The following REPS1 variants were observed in gnomAD, a reference collection of about 807,000 sequenced individuals.
The protein encoded by REPS1 is RALBP1 associated Eps domain containing 1.
REPS1 carries 39 observed loss-of-function variants against 100.9 expected under a neutral mutation model. That is an observed-to-expected ratio of 0.39 (90% CI 0.30 to 0.50). The LOEUF is 0.50. Among genes scored for constraint, REPS1 ranks in the 20% least tolerant of loss-of-function variants. REPS1 has a pLI of 0.86. For missense variants in REPS1, 821 were observed against 968.5 expected, an observed-to-expected ratio of 0.85 and a Z score of 2.02; for synonymous variants, 324 against 340.3, an observed-to-expected ratio of 0.95 and a Z score of 0.53.
chr6:138,932,946 A>G (rs902291025), intron 8 of REPS1, among the ~76,000 whole-genome samples: 1 of 152,224 alleles, frequency 6.6e-6, no homozygotes, highest in Non-Finnish European at 1.5e-5. Flanking sequence ...TAAAGGCTTG[A>G]TATGTTGTGA....
intron 1 of REPS1, among the ~76,000 whole-genome samples, chr6:138,980,198 T>A (rs1784856006): frequency 6.6e-6 from 1 of 152,184 alleles, no homozygotes; most frequent in African/African-American, 2.4e-5. Flanking sequence ...CTGCTCTCTA[T>A]CCTACTGCCA....
intron 19 of REPS1, 182 bp downstream of exon 19, chr6:138,907,313 A>AGTGTGTATGTGT: frequency 7.5e-6 from 1 of 132,592 alleles, no homozygotes; most frequent in Non-Finnish European, 1.5e-5. Context: ...AAAAAAAAAA[A>AGTGTGTATGTGT]GTGTGTGTGT....
In REPS1 at chr6:138,943,140, G is replaced by A. The variant is rs6914773; in HGVS notation, c.980+373C>T. 2.9e-3 allele frequency among the ~76,000 whole-genome samples: 447 copies of A among 152,260 alleles called. 1 individual carries two copies. Among genetic ancestry groups the A allele is most frequent in the African/African-American group, 0.01 (424 of 41,536 alleles). On this transcript the variant is annotated intron_variant, in intron 7 of 19. Coordinates refer to ENST00000450536, the MANE Select transcript of REPS1 (RefSeq NM_001286611.2). ...CCAACACAGCTATTCTTAAGTCTCT[G>A]GTTAAATGGAAGCTAACACCATTCC...
intron 1 of REPS1, among the ~76,000 whole-genome samples, chr6:138,966,238 T>C (rs1043923344): frequency 7.9e-5 from 12 of 152,288 alleles, no homozygotes; most frequent in African/African-American, 1.9e-4. Context: ...CGTGGTTAAA[T>C]AGAGTTAAGC....
Position 138,911,354 on chromosome 6 carries a change from A to T in REPS1, c.1989T>A (p.Asp663Glu), listed in dbSNP as rs201226530. The change falls in exon 17 of 20, where the codon GAT (aspartate) becomes GAA (glutamate). Residue 663 changes from aspartate (D) to glutamate (E), a missense_variant. Physicochemically the swap from Asp to Glu is conservative, Grantham distance 45. Coordinates refer to ENST00000450536, the MANE Select transcript of REPS1 (RefSeq NM_001286611.2). ...PEVLPAEKAS[D>E]PASSLRVAKT... ...TGGCAACTCGAAGAGAACTTGCAGGATCAGAAGCTTTTTCAGCCTAAAAAT... is the reference window on the plus strand; with the variant it reads ...TGGCAACTCGAAGAGAACTTGCAGGTTCAGAAGCTTTTTCAGCCTAAAAAT... The T allele has an allele frequency of 6.2e-6, 10 of 1,612,866 alleles. No individual in the cohort carries two copies. Among genetic ancestry groups the T allele is most frequent in the Non-Finnish European group, 7.6e-6 (9 of 1,179,128 alleles).
At chr6:138,912,720 G>C in intron 16 of REPS1, 45 bp downstream of exon 16, 1 of 1,568,352 alleles carries the variant, frequency 6.4e-7, no homozygotes, top group East Asian at 2.2e-5. Flanking sequence ...CATGGTATGG[G>C]AAGTGACTGC....
At chr6:138,950,938 C>T (rs9389634) in intron 1 of REPS1, 25,808 of 152,170 alleles carry the variant, frequency 0.17, 2,342 homozygotes, top group East Asian at 0.31. Context: ...CGCCTGTAAT[C>T]GCAGCACTTT....
At chr6:138,907,986 T>G (rs967111406) in intron 18 of REPS1, among the ~76,000 whole-genome samples, 1 of 152,172 alleles carries the variant, frequency 6.6e-6, no homozygotes, top group Non-Finnish European at 1.5e-5. Flanking sequence ...TTCTTCTCTC[T>G]TCTACAAAAA....
chr6:138,904,001 A>T lies in REPS1; in HGVS notation c.*1063T>A, dbSNP rs1018946720. The T allele has an allele frequency of 3.9e-5, 6 of 152,238 alleles. No homozygotes were observed. Among genetic ancestry groups the T allele is most frequent in the Non-Finnish European group, 7.3e-5 (5 of 68,036 alleles). The allele number at this position is 152,238 out of a possible 1,614,324, so 9.4% of individuals were successfully genotyped here. A position where few individuals can be genotyped will look rare whatever the true frequency, so the allele number is the denominator to read the frequency against. On this transcript the variant is annotated 3_prime_UTR_variant, in exon 20 of 20. Transcript: ENST00000450536. The stretch of plus-strand genomic sequence containing the variant: ...TCTTAAAACTTTAAATCTTGTTAAA[A>T]AGATGAACAAAAGTTAAAATATTAT...
At position 138,908,770 on chromosome 6, in the gene REPS1, C is replaced by T; in HGVS notation, c.2114G>A (p.Arg705Lys). The T allele has an allele frequency of 6.2e-7, 1 of 1,614,138 alleles. No individual in the cohort carries two copies. The highest frequency in any genetic ancestry group is 1.3e-5 in the African/African-American group (1 of 75,020). ...PLAPPPKPVR[R>K]RLKSEDELRP... The stretch of plus-strand genomic sequence containing the variant: ...TAATTCATCTTCTGATTTTAATCTT[C>T]TTCGAACAGGTTTAGGTGGTGGAGC... The change falls in exon 18 of 20, where the codon AGA becomes AAA. Residue 705 changes from arginine (R) to lysine (K), a missense_variant. Arg to Lys is a conservative substitution (Grantham distance 26). Transcript: ENST00000450536.
intron 10 of REPS1, among the ~76,000 whole-genome samples, chr6:138,925,884 T>G (rs1212769164): frequency 6.6e-6 from 1 of 152,318 alleles, no homozygotes; most frequent in East Asian, 1.9e-4. Flanking sequence ...CAGAGGCTCC[T>G]TTGCATAAGC....
At chr6:138,974,967 C>G (rs1172213430) in intron 1 of REPS1, among the ~76,000 whole-genome samples, 2 of 151,906 alleles carry the variant, frequency 1.3e-5, no homozygotes, top group East Asian at 3.9e-4. Flanking sequence ...CACACTCCAG[C>G]CTGGGTGACA....
At position 138,908,983 on chromosome 6, in the gene REPS1, T is replaced by C. The variant is rs1779840623; in HGVS notation, c.2068-167A>G. ...TGGCAAGAGCTAACTTAAATTACAGTGAGAAAAGATGTTTCTAGTTGACAC... is the reference window on the plus strand; with the variant it reads ...TGGCAAGAGCTAACTTAAATTACAGCGAGAAAAGATGTTTCTAGTTGACAC... On this transcript the variant is annotated intron_variant, in intron 17 of 19. Coordinates refer to ENST00000450536, the MANE Select transcript of REPS1 (RefSeq NM_001286611.2). The C allele has an allele frequency of 6.6e-6, 4 of 607,130 alleles. No homozygotes were observed. The East Asian group carries it at 1.2e-4, about 18-fold the overall frequency. The allele number at this position is 607,130 out of a possible 1,614,324, so 37.6% of individuals were successfully genotyped here.
In REPS1 at chr6:138,918,074, C is replaced by CGT. The variant is rs899570021; in HGVS notation, c.1529-449_1529-448dup. On this transcript the variant is annotated intron_variant, in intron 12 of 19. Coordinates refer to ENST00000450536, the MANE Select transcript of REPS1 (RefSeq NM_001286611.2). Reference sequence around the variant, plus strand: ...CCGTTTTTTTAATATAGTTTGCATGCGTGTGTGTGTGTGTATGTTTGTGTG... The same window carrying CGT: ...CCGTTTTTTTAATATAGTTTGCATGCGTGTGTGTGTGTGTGTATGTTTGTGTG... Among the ~76,000 whole-genome samples the CGT allele has an allele frequency of 1.9e-4, 28 of 148,444 alleles. No individual in the cohort carries two copies. In the South Asian group the frequency reaches 1.9e-3, roughly 10 times the overall value.
intron 1 of REPS1, among the ~76,000 whole-genome samples, chr6:138,968,069 C>G (rs1051792158): frequency 1.4e-4 from 21 of 152,134 alleles, no homozygotes; most frequent in Non-Finnish European, 2.9e-5. Context: ...AATATTTTCA[C>G]CTTATGATGG....
At chr6:138,981,053 A>T (rs1308517557) in intron 1 of REPS1, among the ~76,000 whole-genome samples, 1 of 152,246 alleles carries the variant, frequency 6.6e-6, no homozygotes, top group Non-Finnish European at 1.5e-5. Context: ...GAAGTCCATA[A>T]GATGAGCTTG....
At position 138,914,717 on chromosome 6, in the gene REPS1, G is replaced by A. The variant is rs1351956413; in HGVS notation, c.1765C>T (p.Pro589Ser). 6.2e-7 allele frequency: 1 copy of A among 1,613,518 alleles called. No homozygotes were observed. The highest frequency in any genetic ancestry group is 8.5e-7 in the Non-Finnish European group (1 of 1,179,756). Residue 589 changes from proline to serine, a missense_variant, in exon 15 of 20, where the codon CCA becomes TCA. By Grantham distance (74) the Pro-to-Ser change is moderately conservative. Coordinates refer to ENST00000450536, the MANE Select transcript of REPS1 (RefSeq NM_001286611.2). Reference protein sequence around the residue: ...GVVAHPPAVPPRPQPSQAPGP... With the variant: ...GVVAHPPAVPSRPQPSQAPGP... ...ATTACCTGTGAGGGCTGTGGTCTTG[G>A]AGGCACTGCAGGAGGATGGGCAACA...
rs370279947 is a variant in REPS1, at chr6:138,968,673, AT to A, written c.153+18856del. ...TTTTAAAAGAAACTTTGTATCATGT[AT>A]AAATGGAAAATTCTACTTCACTTGA... On this transcript the variant is annotated intron_variant, in intron 1 of 19. Transcript: ENST00000450536. Among the ~76,000 whole-genome samples the A allele has an allele frequency of 3.0e-3, 461 of 152,352 alleles. 6 individuals are homozygous for A. The highest frequency in any genetic ancestry group is 0.011 in the African/African-American group (443 of 41,576).
At position 138,945,376 on chromosome 6, in the gene REPS1, GA is replaced by G. The variant is rs1562542159; in HGVS notation, c.475-5del. On this transcript the variant is annotated splice_region_variant and splice_polypyrimidine_tract_variant and intron_variant, in intron 3 of 19. Coordinates refer to ENST00000450536, the MANE Select transcript of REPS1 (RefSeq NM_001286611.2). ...AAACTACTGGGGATGCAGGTTCCTA[GA>G]AAAGAATATTATTTTAAAATTTTAA... The G allele has an allele frequency of 6.3e-7, 1 of 1,594,514 alleles. No homozygotes were observed. The highest frequency in any genetic ancestry group is 1.4e-5 in the African/African-American group (1 of 73,340).
Sources: gnomAD v4.1 joint callset for allele counts (sites outside exome capture counted in the v4.1 genomes callset) on GRCh38, gnomAD v4.1.1 for gene constraint, MANE v1.5 for transcripts, NCBI Gene and HGNC (gene_info 2026-07-23, HGNC 2026-07-21) for gene names.